ADAM32: variants seen among roughly 807,000 people sequenced by gnomAD.
ADAM32 encodes the protein ADAM metallopeptidase domain 32.
In ADAM32, 89 loss-of-function variants were observed where a neutral mutation model predicts 114.9. That is an observed-to-expected ratio of 0.77 (90% CI 0.65 to 0.92). The LOEUF (loss-of-function observed/expected upper bound fraction) is 0.92, where lower values mean the gene tolerates loss of function less well. Among genes scored for constraint, ADAM32 ranks in the 40% least tolerant of loss-of-function variants. ADAM32 has a pLI of 0.00. For synonymous variants in ADAM32, 285 were observed against 307.5 expected, an observed-to-expected ratio of 0.93 and a Z score of 0.77; for missense variants, 870 against 932.8, an observed-to-expected ratio of 0.93 and a Z score of 0.88.
intron 10 of ADAM32, among the ~76,000 whole-genome samples, chr8:39,181,147 CTG>C (rs1444103994): frequency 6.6e-6 from 1 of 152,242 alleles, no homozygotes; most frequent in Non-Finnish European, 1.5e-5. Context: ...CTTTTCCACA[CTG>C]TGGAAGCTTT....
intron 18 of ADAM32, among the ~76,000 whole-genome samples, 195 bp from the exon 19 acceptor site, chr8:39,256,992 T>G (rs576645653): frequency 3.6e-4 from 55 of 152,178 alleles, no homozygotes; most frequent in African/African-American, 1.3e-3. Context: ...TTCCAAAACT[T>G]GGTTTCCATG....
chr8:39,205,067 G>A (rs7843058), intron 11 of ADAM32, among the ~76,000 whole-genome samples: 13,055 of 152,198 alleles, frequency 0.086, 1,881 homozygotes, highest in African/African-American at 0.3. Flanking sequence ...TAGGCTACTC[G>A]GGGGTCAGGG....
chr8:39,190,506 C>T (rs1806534034), intron 11 of ADAM32, among the ~76,000 whole-genome samples: 1 of 152,196 alleles, frequency 6.6e-6, no homozygotes, highest in Admixed American at 6.5e-5. Context: ...TTTACATTCC[C>T]ACTGACAGCG....
At chr8:39,281,922 A>G in intron 23 of ADAM32, among the ~76,000 whole-genome samples, 1 of 152,304 alleles carries the variant, frequency 6.6e-6, no homozygotes, top group Non-Finnish European at 1.5e-5. Context: ...GGCTACACCA[A>G]AACATTATAT....
intron 16 of ADAM32, among the ~76,000 whole-genome samples, chr8:39,239,477 T>G (rs1416962152): frequency 1.3e-5 from 2 of 152,146 alleles, no homozygotes; most frequent in Non-Finnish European, 2.9e-5. Flanking sequence ...CTTTAAAGCA[T>G]AAATTTCACA....
rs1441747714 is a variant in ADAM32 at position 39,135,981 on chromosome 8, G to A, written c.139-676G>A. On this transcript the variant is annotated intron_variant, in intron 2 of 24. Transcript: ENST00000379907. ...GTTGCTTCTTATTTTCAGAGATCCT[G>A]GAATGCTTATCCTTTTTCTGTGTTT... Among the ~76,000 whole-genome samples, 9 of 152,110 alleles carry A rather than the reference G, an allele frequency of 5.9e-5. No homozygotes were observed. In the South Asian group the frequency reaches 1.2e-3, roughly 21 times the overall value.
intron 11 of ADAM32, among the ~76,000 whole-genome samples, chr8:39,191,890 A>G (rs1051327011): frequency 1.3e-5 from 2 of 152,128 alleles, no homozygotes; most frequent in African/African-American, 4.8e-5. Context: ...TGGGCTTTAC[A>G]TTTAAGTCTT....
At chr8:39,248,733 G>C (rs1191384747) in intron 17 of ADAM32, among the ~76,000 whole-genome samples, 1 of 152,078 alleles carries the variant, frequency 6.6e-6, no homozygotes, top group African/African-American at 2.4e-5. Context: ...GGAGTGGTGA[G>C]AGGAGACGTC....
intron 19 of ADAM32, among the ~76,000 whole-genome samples, chr8:39,262,017 T>C (rs1043134362): frequency 6.6e-6 from 1 of 152,212 alleles, no homozygotes; most frequent in Non-Finnish European, 1.5e-5. Flanking sequence ...GATTGTTTCT[T>C]TTGCTGTGCA....
chr8:39,149,185 A>G (rs753942788), intron 4 of ADAM32, among the ~76,000 whole-genome samples: 3 of 152,178 alleles, frequency 2.0e-5, no homozygotes, highest in Non-Finnish European at 2.9e-5. Context: ...TTTAATTTTT[A>G]CTATTCTTTC....
intron 2 of ADAM32, among the ~76,000 whole-genome samples, chr8:39,123,053 T>C (rs1011738085): frequency 6.6e-6 from 1 of 152,192 alleles, no homozygotes; most frequent in Non-Finnish European, 1.5e-5. Flanking sequence ...AGGATATAAG[T>C]TCAGTTTTTT....
chr8:39,189,929 C>T (rs2129447348), intron 11 of ADAM32, among the ~76,000 whole-genome samples: 1 of 152,298 alleles, frequency 6.6e-6, no homozygotes, highest in African/African-American at 2.4e-5. Flanking sequence ...ATTCTCCTGC[C>T]TCAGCCTCCC....
chr8:39,169,945 C>G lies in ADAM32; in HGVS notation c.863C>G (p.Ala288Gly), dbSNP rs757941937. ...IYMDYPRYLG[A>G]VFPGTMCITR... The stretch of plus-strand genomic sequence containing the variant: ...ATGGATTATCCTCGTTATTTGGGAG[C>G]AGTGTTTCCTGGAACAATGTGTATT... Residue 288 changes from alanine (A) to glycine (G), a missense_variant, in exon 10 of 25, where the codon GCA becomes GGA. By Grantham distance (60) the Ala-to-Gly change is moderately conservative. Transcript: ENST00000379907. The G allele has an allele frequency of 1.9e-6, 3 of 1,599,304 alleles. No homozygotes were observed. The highest frequency in any genetic ancestry group is 2.6e-6 in the Non-Finnish European group (3 of 1,170,394).
At chr8:39,204,093 T>C (rs1807639956) in intron 11 of ADAM32, among the ~76,000 whole-genome samples, 1 of 152,210 alleles carries the variant, frequency 6.6e-6, no homozygotes, top group Admixed American at 6.5e-5. Context: ...CTTTGGTGAA[T>C]CTGACAATTA....
At chr8:39,140,803 G>A (rs998481298) in intron 3 of ADAM32, among the ~76,000 whole-genome samples, 6 of 152,120 alleles carry the variant, frequency 3.9e-5, no homozygotes, top group Admixed American at 6.5e-5. Context: ...TTGTGGGTAG[G>A]CTATTAATTA....
chr8:39,198,135 T>C (rs1024379545), intron 11 of ADAM32, among the ~76,000 whole-genome samples: 1 of 151,598 alleles, frequency 6.6e-6, no homozygotes, highest in Non-Finnish European at 1.5e-5. Flanking sequence ...GTATAGCTAC[T>C]CTTTCATGCT....
intron 2 of ADAM32, among the ~76,000 whole-genome samples, chr8:39,118,932 C>T (rs1840486136): frequency 1.3e-5 from 2 of 152,198 alleles, no homozygotes; most frequent in African/African-American, 4.8e-5. Flanking sequence ...CAGCCCTTGG[C>T]AACCGCTGAT....
intron 16 of ADAM32, 84 bp from the exon 17 acceptor site, chr8:39,245,999 T>C: frequency 2.8e-6 from 3 of 1,085,436 alleles, no homozygotes; most frequent in Non-Finnish European, 4.2e-6. Context: ...GCTATGCTTT[T>C]ATATCATATA....
At chr8:39,245,274 A>C (rs1810830408) in intron 16 of ADAM32, among the ~76,000 whole-genome samples, 1 of 152,138 alleles carries the variant, frequency 6.6e-6, no homozygotes, top group African/African-American at 2.4e-5. Flanking sequence ...AAGGCATGAG[A>C]ATGATACAAT....
Sources: allele counts gnomAD v4.1 joint callset (sites outside exome capture counted in the v4.1 genomes callset), GRCh38; gene constraint gnomAD v4.1.1; transcripts MANE v1.5; gene names NCBI Gene and HGNC (gene_info 2026-07-23, HGNC 2026-07-21).